Variants in DNHD1 observed in about 807,000 individuals in gnomAD.
DNHD1 encodes the protein dynein heavy chain domain 1, also known as dynein heavy chain domain-containing protein 1.
A neutral mutation model predicts 458.1 loss-of-function variants in DNHD1; 383 were observed. The observed-to-expected ratio is 0.84, with a 90% CI of 0.77 to 0.91. The LOEUF is 0.91. Among genes scored for constraint, DNHD1 ranks in the 40% least tolerant of loss-of-function variants. DNHD1 has a pLI of 0.00. For missense variants in DNHD1, 5,336 were observed against 5,866.1 expected (o/e 0.91, Z 2.95); for synonymous variants, 2,203 against 2,376.9 (o/e 0.93, Z 2.13).
chr11:6,529,004 G>A lies in DNHD1; in HGVS notation c.2230G>A (p.Val744Met), dbSNP rs543737354. The A allele has an allele frequency of 9.0e-6, 14 of 1,551,558 alleles. No individual in the cohort carries two copies. Among genetic ancestry groups the A allele is most frequent in the East Asian group, 7.3e-5 (3 of 40,928 alleles). Residue 744 changes from valine (V) to methionine (M), a missense_variant, in exon 12 of 43, where the codon GTG (valine) becomes ATG (methionine). Physicochemically the swap from Val to Met is conservative, Grantham distance 21. Around this residue, in one of 4 missense-constraint regions of DNHD1, gnomAD observed 3,932 missense variants for 4,365.6 expected, o/e 0.90. Coordinates refer to ENST00000254579, the MANE Select transcript of DNHD1 (RefSeq NM_144666.3). ...DMRGGPIKNY[V>M]TLVSRLNVWQ... ...GAGAGGTGGTCCCATCAAGAACTAC[G>A]TGACGCTGGTGAGCCGCCTGAATGT...
chr11:6,507,672 A>C (rs1403043645), intron 4 of DNHD1, among the ~76,000 whole-genome samples: 1 of 152,136 alleles, frequency 6.6e-6, no homozygotes, highest in Non-Finnish European at 1.5e-5. Context: ...GCCAGGGCTC[A>C]GTTAACATAG....
intron 25 of DNHD1, 69 bp from the exon 26 acceptor site, chr11:6,558,416 G>T: frequency 6.5e-7 from 1 of 1,541,764 alleles, no homozygotes; most frequent in African/African-American, 1.4e-5. Flanking sequence ...AAGTGGTCTG[G>T]CTGGGACTGG....
chr11:6,548,492 T>TG lies in DNHD1; in HGVS notation c.7098+91dup. The TG allele has an allele frequency of 6.8e-7, 1 of 1,466,120 alleles. No individual in the cohort carries two copies. Among genetic ancestry groups the TG allele is most frequent in the Non-Finnish European group, 9.2e-7 (1 of 1,085,030 alleles). The allele number at this position is 1,466,120 out of a possible 1,614,324, so 90.8% of individuals were successfully genotyped here. On this transcript the variant is annotated intron_variant, in intron 23 of 42. Transcript: ENST00000254579. This position sits in a 1 kb window ranked among gnomAD's most constrained non-coding sequence, Gnocchi z 4.4. ...GTTCAAAGATCAGCTGAGGCCCACT[T>TG]GCTCCCTTTCTTTGATATATTTTCA...
At chr11:6,508,273 T>G (rs1852265814) in intron 4 of DNHD1, 2 of 152,630 alleles carry the variant, frequency 1.3e-5, no homozygotes. Context: ...CAAGACCAAC[T>G]AAGATTTTAA....
chr11:6,510,953 GA>G (rs922172912), intron 6 of DNHD1, among the ~76,000 whole-genome samples: 35 of 152,248 alleles, frequency 2.3e-4, no homozygotes, highest in African/African-American at 8.2e-4. Context: ...TTCCAAGGAA[GA>G]AGCCTCTGCT....
chr11:6,520,430 C>T (rs973311559), intron 10 of DNHD1, 141 bp downstream of exon 10: 4 of 1,506,650 alleles, frequency 2.7e-6, no homozygotes, highest in Non-Finnish European at 3.6e-6. Context: ...AACCTGGGTA[C>T]TGCACATATG....
chr11:6,512,211 C>CTTTCTTTTTTTTTTTTT (rs1185966042), intron 7 of DNHD1, among the ~76,000 whole-genome samples: 4 of 91,630 alleles, frequency 4.4e-5, no homozygotes, highest in African/African-American at 1.4e-4. Context: ...CTTTTTCTTT[C>CTTTCTTTTTTTTTTTTT]TTTTTTTTTT....
rs1429005435 is a variant in DNHD1 at position 6,509,235 on chromosome 11, G to A, written c.1198G>A (p.Val400Met). ...KFLENHLLLA[V>M]PHFGAGLLHI... The stretch of plus-strand genomic sequence containing the variant: ...CCTAGAGAATCATCTGCTCTTGGCT[G>A]TGCCCCACTTTGGAGCTGGGCTACT... Residue 400 changes from valine (V) to methionine (M), a missense_variant, in exon 6 of 43, where the codon GTG becomes ATG. By Grantham distance (21) the Val-to-Met change is conservative. Coordinates refer to ENST00000254579, the MANE Select transcript of DNHD1 (RefSeq NM_144666.3). 3 of 1,614,174 alleles carry A rather than the reference G, an allele frequency of 1.9e-6. No homozygotes were observed. The highest frequency in any genetic ancestry group is 1.3e-5 in the African/African-American group (1 of 75,046).
chr11:6,550,858 A>T (rs1257497646), intron 24 of DNHD1, among the ~76,000 whole-genome samples: 1 of 152,240 alleles, frequency 6.6e-6, no homozygotes, highest in Non-Finnish European at 1.5e-5. Flanking sequence ...TAGACATTTA[A>T]GTATAGGGAA....
In DNHD1 at chr11:6,552,895, A is replaced by C. The variant is rs1853391013; in HGVS notation, c.7388-3788A>C. 4.6e-5 allele frequency among the ~76,000 whole-genome samples: 7 copies of C among 152,158 alleles called. No homozygotes were observed. The South Asian group carries it at 1.4e-3, about 32-fold the overall frequency. ...AACAAAAGAAGAAAAATAATAGAAA[A>C]TGAACAGCCTCATACCTAAGAAAAG... On this transcript the variant is annotated intron_variant, in intron 24 of 42. Coordinates refer to ENST00000254579, the MANE Select transcript of DNHD1 (RefSeq NM_144666.3).
intron 17 of DNHD1, 117 bp downstream of exon 17, chr11:6,539,430 C>G: frequency 2.6e-6 from 2 of 766,222 alleles, no homozygotes; most frequent in African/African-American, 1.7e-5. Flanking sequence ...GCCTGCTAAC[C>G]TGCCTGAAGG....
rs1440720808 is a variant in DNHD1 at position 6,568,557 on chromosome 11, G to C, written c.12642G>C (p.Glu4214Asp). 7 of 1,613,922 alleles carry C rather than the reference G, an allele frequency of 4.3e-6. No individual in the cohort carries two copies. The highest frequency in any genetic ancestry group is 5.1e-6 in the Non-Finnish European group (6 of 1,179,914). The change falls in exon 38 of 43, where the codon GAG (glutamate) becomes GAC (aspartate). Residue 4214 changes from glutamate (E) to aspartate (D), a missense_variant. Around this residue, in one of 4 missense-constraint regions of DNHD1, gnomAD observed 695 missense variants for 804.2 expected, o/e 0.86. Coordinates refer to ENST00000254579, the MANE Select transcript of DNHD1 (RefSeq NM_144666.3). ...GTCTTTGGCTTATTGTGCCTGCAGA[G>C]TCTAGTGCTTCTTTGCCAGGTGAGG... Reference protein sequence around the residue: ...DFRLWLIVPAESSASLPAVLT... With the variant: ...DFRLWLIVPADSSASLPAVLT...
intron 28 of DNHD1, among the ~76,000 whole-genome samples, chr11:6,560,066 T>G (rs1346061937): frequency 6.6e-6 from 1 of 152,214 alleles, no homozygotes; most frequent in Non-Finnish European, 1.5e-5. Flanking sequence ...AGCCAAATAC[T>G]CCTAGTTAAA....
intron 32 of DNHD1, 70 bp from the exon 33 acceptor site, chr11:6,565,625 C>G: frequency 7.1e-7 from 1 of 1,416,312 alleles, no homozygotes; most frequent in South Asian, 1.5e-5. Flanking sequence ...TGGAGCCCTT[C>G]AGTGAATTCC....
intron 39 of DNHD1, among the ~76,000 whole-genome samples, chr11:6,569,581 T>A (rs960197382): frequency 1.5e-4 from 22 of 151,318 alleles, no homozygotes; most frequent in African/African-American, 4.2e-4. Flanking sequence ...ATCCTTTTTG[T>A]GTGTTGGAAG....
Position 6,533,916 on chromosome 11 carries a change from C to T in DNHD1, c.2741C>T (p.Ala914Val). Residue 914 changes from alanine to valine, a missense_variant, in exon 14 of 43, where the codon GCA (alanine) becomes GTA (valine). Ala to Val is a moderately conservative substitution (Grantham distance 64). Transcript: ENST00000254579. The part of the protein sequence containing the change: ...LAPQLLDMWE[A>V]FQFEKSQASE... ...CCACAGCTTCTGGATATGTGGGAGG[C>T]ATTTCAGTTTGAGAAAAGCCAGGCT... 2 of 1,551,240 alleles carry T rather than the reference C, an allele frequency of 1.3e-6. No homozygotes were observed. Among genetic ancestry groups the T allele is most frequent in the Non-Finnish European group, 1.7e-6 (2 of 1,146,884 alleles).
Position 6,570,521 on chromosome 11 carries a change from G to A in DNHD1, c.13106-97G>A, listed in dbSNP as rs916746318. The A allele has an allele frequency of 1.5e-5, 22 of 1,479,868 alleles. No homozygotes were observed. The East Asian group carries it at 5.2e-4, about 35-fold the overall frequency. The allele number at this position is 1,479,868 out of a possible 1,614,324, so 91.7% of individuals were successfully genotyped here. On this transcript the variant is annotated intron_variant, in intron 41 of 42. Coordinates refer to ENST00000254579, the MANE Select transcript of DNHD1 (RefSeq NM_144666.3). The stretch of plus-strand genomic sequence containing the variant: ...GGGGGTAATATTCATACTGTTATGG[G>A]GGTGATGGCAGTAAAGGCTCAGAGG...
At chr11:6,510,043 TTC>T (rs1297957506) in intron 6 of DNHD1, among the ~76,000 whole-genome samples, 3 of 152,168 alleles carry the variant, frequency 2.0e-5, no homozygotes. Flanking sequence ...GTTATGAAAT[TTC>T]TCACTTTTAA....
chr11:6,558,686 T>G lies in DNHD1; in HGVS notation c.9204T>G (p.Leu3068=). The G allele has an allele frequency of 6.5e-7, 1 of 1,549,696 alleles. No individual in the cohort carries two copies. Among genetic ancestry groups the G allele is most frequent in the Non-Finnish European group, 8.7e-7 (1 of 1,146,952 alleles). ...TGGAGGGTGCTCAGAGTGTGCCCCT[T>G]GATGACGGTAAGCCCTTTTTACTTG... ...HHLEGAQSVP[L]DDGSWKYPDL... Residue 3068 remains leucine (L), a synonymous_variant, in exon 26 of 43, where the codon CTT becomes CTG. Coordinates refer to ENST00000254579, the MANE Select transcript of DNHD1 (RefSeq NM_144666.3).
Sources: allele counts gnomAD v4.1 joint callset (sites outside exome capture counted in the v4.1 genomes callset), GRCh38; gene constraint gnomAD v4.1.1; regional missense constraint gnomAD v4.1.1; non-coding constraint Gnocchi (gnomAD v3.1); transcripts MANE v1.5; gene names NCBI Gene and HGNC (gene_info 2026-07-23, HGNC 2026-07-21).